The following DCC variants were observed in gnomAD, a reference collection of about 807,000 sequenced individuals.
DCC encodes DCC netrin 1 receptor, also known as netrin receptor DCC.
In DCC, 58 loss-of-function variants were observed where a neutral mutation model predicts 172.5. That is an observed-to-expected ratio of 0.34 (90% CI 0.27 to 0.42). The LOEUF (loss-of-function observed/expected upper bound fraction) is 0.42. DCC is among the 10% of genes least tolerant of loss of function. The probability of loss-of-function intolerance (pLI) is 1.00; values close to 1 mark genes in which losing one functional copy is unlikely to be tolerated. For synonymous variants in DCC, 709 were observed against 644.5 expected (o/e 1.10, Z -1.52); for missense variants, 1,740 against 1,791.0 (o/e 0.97, Z 0.51).
chr18:52,489,247 G>A (rs962646969), intron 1 of DCC, among the ~76,000 whole-genome samples: 1 of 151,956 alleles, frequency 6.6e-6, no homozygotes, highest in African/African-American at 2.4e-5. Flanking sequence ...GTCAACTTTA[G>A]GAAAAGTATA....
intron 15 of DCC, among the ~76,000 whole-genome samples, chr18:53,378,106 C>A (rs1231689954): frequency 6.6e-6 from 1 of 152,064 alleles, no homozygotes; most frequent in Non-Finnish European, 1.5e-5. Flanking sequence ...GGATTACAGG[C>A]ACGTGCCTCC....
Position 52,343,622 on chromosome 18 carries a change from G to C in DCC, c.91+2744G>C, listed in dbSNP as rs1001779155. On this transcript the variant is annotated intron_variant, in intron 1 of 28. Transcript: ENST00000442544. ...GAGCCACAGGCACAGGAACCTTATA[G>C]AGTCTCAGGGGATCTCAGATAAGAT... 2.6e-5 allele frequency among the ~76,000 whole-genome samples: 4 copies of C among 152,200 alleles called. No homozygotes were observed. In the South Asian group the frequency reaches 8.3e-4, roughly 32 times the overall value.
intron 7 of DCC, among the ~76,000 whole-genome samples, chr18:53,114,603 C>T (rs1464980943): frequency 6.6e-6 from 1 of 151,328 alleles, no homozygotes; most frequent in African/African-American, 2.4e-5. Context: ...GTGTACATAC[C>T]AAGCCCATGA....
intron 2 of DCC, among the ~76,000 whole-genome samples, chr18:52,868,178 C>A (rs527434246): frequency 6.6e-6 from 1 of 151,688 alleles, no homozygotes; most frequent in South Asian, 2.1e-4. Flanking sequence ...AACAGATTCA[C>A]CTTTTGGTCA....
At chr18:53,354,383 T>G (rs936552679) in intron 15 of DCC, among the ~76,000 whole-genome samples, 8 of 152,178 alleles carry the variant, frequency 5.3e-5, no homozygotes, top group Non-Finnish European at 1.0e-4. Context: ...CCACCAACAG[T>G]GTAAAAGTGT....
intron 1 of DCC, among the ~76,000 whole-genome samples, chr18:52,679,112 T>C (rs901251664): frequency 1.2e-4 from 19 of 152,076 alleles, no homozygotes; most frequent in Non-Finnish European, 1.9e-4. Context: ...CCACAGGGTA[T>C]AACAATTTCT....
intron 1 of DCC, among the ~76,000 whole-genome samples, chr18:52,553,823 G>A (rs2144727586): frequency 6.6e-6 from 1 of 152,094 alleles, no homozygotes; most frequent in Non-Finnish European, 1.5e-5. Flanking sequence ...AACAATATAT[G>A]CAAAGTCATA....
intron 2 of DCC, among the ~76,000 whole-genome samples, chr18:52,854,145 C>T (rs944120347): frequency 2.0e-5 from 3 of 152,194 alleles, no homozygotes; most frequent in African/African-American, 4.8e-5. Flanking sequence ...TCTGTAATGC[C>T]ACATCCCAGA....
chr18:52,882,899 C>T (rs900801936), intron 2 of DCC, among the ~76,000 whole-genome samples: 5 of 151,998 alleles, frequency 3.3e-5, no homozygotes, highest in Non-Finnish European at 5.9e-5. Context: ...CTTCCTTTAG[C>T]GCTAACAGTA....
chr18:53,197,161 A>T (rs2055456495), intron 9 of DCC, among the ~76,000 whole-genome samples: 1 of 152,130 alleles, frequency 6.6e-6, no homozygotes, highest in African/African-American at 2.4e-5. Context: ...TAAGCAGATC[A>T]TCAGCAATGG....
At chr18:52,965,363 A>G (rs968318752) in intron 5 of DCC, among the ~76,000 whole-genome samples, 1 of 152,232 alleles carries the variant, frequency 6.6e-6, no homozygotes, top group African/African-American at 2.4e-5. Flanking sequence ...TAAAAGGAAA[A>G]CTACCACAAA....
At chr18:52,846,302 G>T (rs886536929) in intron 2 of DCC, among the ~76,000 whole-genome samples, 1 of 152,130 alleles carries the variant, frequency 6.6e-6, no homozygotes, top group Non-Finnish European at 1.5e-5. Context: ...TGCACTTTGG[G>T]AAGCTGACGC....
At chr18:52,790,282 CAT>C (rs1409202507) in intron 2 of DCC, among the ~76,000 whole-genome samples, 4 of 152,174 alleles carry the variant, frequency 2.6e-5, no homozygotes, top group African/African-American at 4.8e-5. Context: ...CCTAGCCTAA[CAT>C]ATGTTTTCTT....
chr18:52,766,634 C>G (rs1471846772), intron 2 of DCC, among the ~76,000 whole-genome samples: 1 of 151,994 alleles, frequency 6.6e-6, no homozygotes, highest in Non-Finnish European at 1.5e-5. Context: ...GTTATGCCAT[C>G]AAGCTGTTCC....
At chr18:53,060,135 C>A (rs2042472687) in intron 5 of DCC, among the ~76,000 whole-genome samples, 1 of 152,106 alleles carries the variant, frequency 6.6e-6, no homozygotes, top group African/African-American at 2.4e-5. Context: ...TCCCAAATAC[C>A]TGGGATTACA....
intron 5 of DCC, among the ~76,000 whole-genome samples, chr18:52,953,226 T>TC (rs2040687653): frequency 6.6e-6 from 1 of 152,126 alleles, no homozygotes; most frequent in Non-Finnish European, 1.5e-5. Flanking sequence ...TATTTCAAAG[T>TC]CATTGTGAAC....
At chr18:53,492,758 C>CT (rs1202008619) in intron 26 of DCC, among the ~76,000 whole-genome samples, 1 of 152,054 alleles carries the variant, frequency 6.6e-6, no homozygotes, top group Non-Finnish European at 1.5e-5. Flanking sequence ...CAGCTTTGTT[C>CT]TTTTTTGCTT....
chr18:52,381,363 C>T (rs1985576673), intron 1 of DCC, among the ~76,000 whole-genome samples: 1 of 152,014 alleles, frequency 6.6e-6, no homozygotes, highest in Non-Finnish European at 1.5e-5. Flanking sequence ...TCTTGTTATG[C>T]TGAAAGAAAA....
chr18:52,916,177 A>G (rs1465632961), intron 3 of DCC, among the ~76,000 whole-genome samples: 2 of 150,806 alleles, frequency 1.3e-5, no homozygotes, highest in Non-Finnish European at 2.9e-5. Flanking sequence ...AACACTTCTG[A>G]GGTCATTTGT....
Sources: allele counts gnomAD v4.1 joint callset (sites outside exome capture counted in the v4.1 genomes callset), GRCh38; gene constraint gnomAD v4.1.1; transcripts MANE v1.5; gene names NCBI Gene and HGNC (gene_info 2026-07-23, HGNC 2026-07-21).